Variants in EDA observed in about 807,000 individuals in gnomAD.
EDA encodes ectodysplasin-A.
In EDA, 2 loss-of-function variants were observed where a neutral mutation model predicts 23.6. The ratio of observed to expected loss-of-function variants is 0.08; its 90% CI spans 0.03 to 0.27. The LOEUF (loss-of-function observed/expected upper bound fraction) is 0.27. Among genes scored for constraint, EDA ranks in the 10% least tolerant of loss-of-function variants. EDA has a pLI of 1.00. For synonymous variants in EDA, 131 were observed against 132.0 expected, an observed-to-expected ratio of 0.99 and a Z score of 0.05; for missense variants, 229 against 324.2, an observed-to-expected ratio of 0.71 and a Z score of 2.26.
intron 2 of EDA, among the ~76,000 whole-genome samples, chrX:70,000,486 C>A (rs190503708): frequency 4.6e-4 from 52 of 112,451 alleles, no homozygotes; most frequent in African/African-American, 1.6e-3. Context: ...GAACTTTCTA[C>A]AGGCAGTTAA....
intron 6 of EDA, among the ~76,000 whole-genome samples, chrX:70,032,185 G>A (rs1234262503): frequency 1.0e-4 from 11 of 110,158 alleles, no homozygotes; most frequent in Admixed American, 9.6e-4. Flanking sequence ...CTTGAACCCG[G>A]GAGGTGGAGG....
chrX:69,957,402 C>T (rs1189573038), intron 2 of EDA: 2 of 290,980 alleles, frequency 6.9e-6, no homozygotes, highest in Non-Finnish European at 1.2e-5. Flanking sequence ...TCGCTTGAAA[C>T]TGGGAGGTAG....
At chrX:69,856,334 G>GT (rs1250776991) in intron 1 of EDA, among the ~76,000 whole-genome samples, 26 of 96,275 alleles carry the variant, frequency 2.7e-4, no homozygotes, top group South Asian at 1.0e-3. Flanking sequence ...CATGTGTAAG[G>GT]TTTTTTTTTT....
chrX:69,686,260 G>A (rs1399549725), intron 1 of EDA, among the ~76,000 whole-genome samples: 2 of 112,371 alleles, frequency 1.8e-5, no homozygotes, highest in South Asian at 7.3e-4. Flanking sequence ...GCCTCCCAAA[G>A]TGTTGGGATT....
In EDA at chrX:69,661,318, T is replaced by G. The variant is rs1199858802; in HGVS notation, c.396+44614T>G. On this transcript the variant is annotated intron_variant, in intron 1 of 7. Coordinates refer to ENST00000374552, the MANE Select transcript of EDA (RefSeq NM_001399.5). ...GGTTGCCTCTTCACTCTGATGGTAGTTTCTTTTGCTGTGCAGAAGCTCTTT... is the reference window on the plus strand; with the variant it reads ...GGTTGCCTCTTCACTCTGATGGTAGGTTCTTTTGCTGTGCAGAAGCTCTTT... Among the ~76,000 whole-genome samples, 6 of 103,508 alleles carry G rather than the reference T, an allele frequency of 5.8e-5. No individual in the cohort carries two copies. The South Asian group carries it at 1.4e-3, about 23-fold the overall frequency. The allele number at this position is 103,508 out of a possible 115,157, so 89.9% of individuals were successfully genotyped here.
chrX:69,620,247 G>T (rs1932128652), intron 1 of EDA, among the ~76,000 whole-genome samples: 1 of 112,197 alleles, frequency 8.9e-6, no homozygotes, highest in Admixed American at 9.4e-5. Flanking sequence ...GCAAATAAAG[G>T]TAGTATCTTA....
chrX:69,779,743 A>G (rs1420919356), intron 1 of EDA, among the ~76,000 whole-genome samples: 1 of 111,949 alleles, frequency 8.9e-6, no homozygotes, highest in Non-Finnish European at 1.9e-5. Flanking sequence ...AAAGAAAACC[A>G]AAAACAAACA....
At chrX:69,850,312 G>A (rs186105291) in intron 1 of EDA, among the ~76,000 whole-genome samples, 1 of 112,294 alleles carries the variant, frequency 8.9e-6, no homozygotes, top group East Asian at 2.8e-4. Context: ...TGATTCAGAG[G>A]ATACCTGGAC....
intron 2 of EDA, among the ~76,000 whole-genome samples, chrX:70,000,393 T>C (rs1200614931): frequency 8.9e-6 from 1 of 112,671 alleles, no homozygotes; most frequent in Non-Finnish European, 1.9e-5. Flanking sequence ...ATTATCTGTT[T>C]GTAGTACAAA....
At chrX:69,781,561 C>A (rs1434609010) in intron 1 of EDA, among the ~76,000 whole-genome samples, 1 of 111,657 alleles carries the variant, frequency 9.0e-6, no homozygotes, top group Non-Finnish European at 1.9e-5. Context: ...TGGCCCTTCA[C>A]AGAAAAAGTT....
intron 1 of EDA, among the ~76,000 whole-genome samples, chrX:69,837,681 G>A (rs779035833): frequency 1.8e-5 from 2 of 112,089 alleles, no homozygotes; most frequent in South Asian, 3.7e-4. Flanking sequence ...CTTCCTTTGC[G>A]AATAGTCATG....
At position 69,963,790 on chromosome X, in the gene EDA, A is replaced by G. The variant is rs545682179; in HGVS notation, c.502+6658A>G. Among the ~76,000 whole-genome samples, 12 of 111,749 alleles carry G rather than the reference A, an allele frequency of 1.1e-4. No individual in the cohort carries two copies. In the South Asian group the frequency reaches 2.3e-3, roughly 21 times the overall value. ...TAGCTACCAAACTCCTGTACTTAGT[A>G]TGTAAGGCCTAAATTGAATTGGGTA... On this transcript the variant is annotated intron_variant, in intron 2 of 7. Transcript: ENST00000374552.
At chrX:70,028,836 C>T (rs758588568) in intron 4 of EDA, among the ~76,000 whole-genome samples, 8 of 112,730 alleles carry the variant, frequency 7.1e-5, no homozygotes, top group Non-Finnish European at 1.3e-4. Context: ...TCCTCACTCC[C>T]CTGCCCTGTA....
chrX:69,917,801 CAT>C (rs994113251), intron 1 of EDA, among the ~76,000 whole-genome samples: 3 of 110,891 alleles, frequency 2.7e-5, no homozygotes, highest in African/African-American at 9.8e-5. Context: ...CTCTGGTTTT[CAT>C]ATACCTTGTG....
At chrX:69,951,041 T>A (rs1362605985) in intron 1 of EDA, among the ~76,000 whole-genome samples, 1 of 105,754 alleles carries the variant, frequency 9.5e-6, no homozygotes, top group Non-Finnish European at 1.9e-5. Flanking sequence ...TGTATACATA[T>A]GTAACTAACC....
At chrX:69,621,584 C>T (rs749988021) in intron 1 of EDA, among the ~76,000 whole-genome samples, 2 of 112,123 alleles carry the variant, frequency 1.8e-5, no homozygotes, top group African/African-American at 6.5e-5. Flanking sequence ...TAGTGCCTGA[C>T]ATAGTGCTAG....
chrX:69,751,663 G>T, intron 1 of EDA, among the ~76,000 whole-genome samples: 1 of 111,917 alleles, frequency 8.9e-6, no homozygotes, highest in East Asian at 2.8e-4. Flanking sequence ...CATGAGCATG[G>T]AATGTTCTTC....
Position 70,022,857 on chromosome X carries a change from G to A in EDA, c.503-361G>A, listed in dbSNP as rs188608568. 1.4e-4 allele frequency: 18 copies of A among 130,638 alleles called. No homozygotes were observed. The Admixed American group carries it at 1.4e-3, about 11-fold the overall frequency. 10.8% of individuals were successfully genotyped at this position (130,638 alleles called of 1,213,427 possible). A position where few individuals can be genotyped will look rare whatever the true frequency, so the allele number is the denominator to read the frequency against. On this transcript the variant is annotated intron_variant, in intron 2 of 7. Coordinates refer to ENST00000374552, the MANE Select transcript of EDA (RefSeq NM_001399.5). ...CTTCATATCAGATTCTCACCTGAAC[G>A]CATGACTCTTCAACCTCAGGACTTG...
In EDA at chrX:69,962,097, T is replaced by G. The variant is rs939750695; in HGVS notation, c.502+4965T>G. Among the ~76,000 whole-genome samples the G allele has an allele frequency of 7.1e-5, 8 of 112,515 alleles. 1 individual carries two copies. Among genetic ancestry groups the G allele is most frequent in the Non-Finnish European group, 1.5e-4 (8 of 53,346 alleles). ...AGGTAGTTTCCATATTTCACAAATA[T>G]TATTGTAAAAACATCTGTTCTCTTC... On this transcript the variant is annotated intron_variant, in intron 2 of 7. Transcript: ENST00000374552.
Sources: allele counts gnomAD v4.1 joint callset (sites outside exome capture counted in the v4.1 genomes callset), GRCh38; gene constraint gnomAD v4.1.1; transcripts MANE v1.5; gene names NCBI Gene and HGNC (gene_info 2026-07-23, HGNC 2026-07-21).